MIB1: variants seen among roughly 807,000 people sequenced by gnomAD.
The protein encoded by MIB1 is MIB E3 ubiquitin protein ligase 1, also known as E3 ubiquitin-protein ligase MIB1.
Under a neutral mutation model 124.5 loss-of-function variants are expected in MIB1, and 278 were observed. That is an observed-to-expected ratio of 2.23 (90% CI 2.02 to 2.47). The LOEUF is 2.47. Among genes scored for constraint, MIB1 ranks in the 30% most tolerant of loss-of-function variants. The pLI is 0.00. For missense variants in MIB1, 957 were observed against 1,254.4 expected (o/e 0.76, Z 3.58); for synonymous variants, 446 against 429.4 (o/e 1.04, Z -0.48).
chr18:21,734,533 C>T (rs2040787157), intron 1 of MIB1, among the ~76,000 whole-genome samples: 3 of 148,572 alleles, frequency 2.0e-5, no homozygotes, highest in Admixed American at 1.3e-4. Context: ...TTCTCTTTCT[C>T]TCTTTCTTTC....
intron 1 of MIB1, among the ~76,000 whole-genome samples, chr18:21,746,566 CTTT>C (rs1315393760): frequency 6.6e-6 from 1 of 152,096 alleles, no homozygotes; most frequent in African/African-American, 2.4e-5. Context: ...GTATAGTTGA[CTTT>C]TTATCATCTA....
At chr18:21,863,498 G>A (rs1461800652) in intron 20 of MIB1, among the ~76,000 whole-genome samples, 1 of 152,146 alleles carries the variant, frequency 6.6e-6, no homozygotes, top group Non-Finnish European at 1.5e-5. Context: ...GGGACGGGTA[G>A]GTAATCTTCC....
At chr18:21,806,916 C>T (rs1453980044) in intron 10 of MIB1, among the ~76,000 whole-genome samples, 1 of 152,194 alleles carries the variant, frequency 6.6e-6, no homozygotes, top group African/African-American at 2.4e-5. Flanking sequence ...CCACCGTGCC[C>T]AGCCAAATAA....
chr18:21,757,059 ACATTTTCTTAATG>A (rs1239890581), intron 1 of MIB1, among the ~76,000 whole-genome samples: 8 of 152,236 alleles, frequency 5.3e-5, no homozygotes, highest in African/African-American at 1.9e-4. Flanking sequence ...GCAGCTCAAG[ACATTTTCTTAATG>A]CATTTTCTTA....
chr18:21,772,923 G>A (rs549470980), intron 3 of MIB1, among the ~76,000 whole-genome samples: 58 of 152,220 alleles, frequency 3.8e-4, no homozygotes, highest in African/African-American at 1.3e-3. Context: ...ATCATTTTGG[G>A]TATTTTACAG....
At position 21,765,760 on chromosome 18, in the gene MIB1, T is replaced by C. The variant is rs753722259; in HGVS notation, c.230-12T>C. 6.2e-7 allele frequency: 1 copy of C among 1,609,274 alleles called. No individual in the cohort carries two copies. The highest frequency in any genetic ancestry group is 2.2e-5 in the East Asian group (1 of 44,792). On this transcript the variant is annotated splice_polypyrimidine_tract_variant and intron_variant, in intron 1 of 20. Coordinates refer to ENST00000261537, the MANE Select transcript of MIB1 (RefSeq NM_020774.4). ...TTGTGATTAATCTGAGCATGTGTCC[T>C]TGTTTTAATAGGCATCAAGCATGAT...
At chr18:21,761,261 TAAAC>T (rs1426539142) in intron 1 of MIB1, among the ~76,000 whole-genome samples, 2 of 148,454 alleles carry the variant, frequency 1.3e-5, no homozygotes, top group Non-Finnish European at 3.0e-5. Context: ...GTGAAACCCA[TAAAC>T]AAAAAGATTT....
chr18:21,721,911 C>A (rs981749687), intron 1 of MIB1, among the ~76,000 whole-genome samples: 1 of 152,148 alleles, frequency 6.6e-6, no homozygotes, highest in Admixed American at 6.6e-5. Flanking sequence ...TGATACATTA[C>A]TATTAACCAA....
At chr18:21,838,000 A>G (rs1184026752) in intron 12 of MIB1, among the ~76,000 whole-genome samples, 1 of 152,142 alleles carries the variant, frequency 6.6e-6, no homozygotes, top group African/African-American at 2.4e-5. Flanking sequence ...TCATTAGGGT[A>G]TATTTCTTTT....
chr18:21,755,098 G>C (rs1349354327), intron 1 of MIB1, among the ~76,000 whole-genome samples: 1 of 152,082 alleles, frequency 6.6e-6, no homozygotes, highest in East Asian at 1.9e-4. Flanking sequence ...CACTTCTAGG[G>C]GTGGTGTATT....
chr18:21,818,256 T>C (rs1356926791), intron 11 of MIB1, among the ~76,000 whole-genome samples: 1 of 152,104 alleles, frequency 6.6e-6, no homozygotes, highest in Non-Finnish European at 1.5e-5. Flanking sequence ...GACATCAGAT[T>C]TTTTTTTCTC....
At chr18:21,734,685 C>CCAT (rs397691585) in intron 1 of MIB1, among the ~76,000 whole-genome samples, 3 of 151,808 alleles carry the variant, frequency 2.0e-5, no homozygotes, top group East Asian at 1.9e-4. Flanking sequence ...CATGCCACCA[C>CCAT]GCCTGGCTAA....
chr18:21,716,582 T>G (rs1598578603), intron 1 of MIB1, among the ~76,000 whole-genome samples: 1 of 152,366 alleles, frequency 6.6e-6, no homozygotes, highest in East Asian at 1.9e-4. Flanking sequence ...CTGGGCACGG[T>G]GGCTCACGCC....
At chr18:21,821,033 A>G (rs1362438354) in intron 12 of MIB1, among the ~76,000 whole-genome samples, 1 of 152,050 alleles carries the variant, frequency 6.6e-6, no homozygotes, top group African/African-American at 2.4e-5. Flanking sequence ...TCTCTCACCA[A>G]TTCTTAGCTT....
At chr18:21,788,018 C>T (rs540672149) in intron 6 of MIB1, among the ~76,000 whole-genome samples, 1 of 152,190 alleles carries the variant, frequency 6.6e-6, no homozygotes, top group African/African-American at 2.4e-5. Context: ...TGCGAACCTC[C>T]TCTCTCCTTT....
At chr18:21,761,493 G>A (rs1335550300) in intron 1 of MIB1, among the ~76,000 whole-genome samples, 1 of 152,112 alleles carries the variant, frequency 6.6e-6, no homozygotes, top group Admixed American at 6.6e-5. Flanking sequence ...TTAAAATGGA[G>A]GAGAGGCATG....
chr18:21,848,881 G>A (rs1472294631), intron 16 of MIB1, among the ~76,000 whole-genome samples: 1 of 151,892 alleles, frequency 6.6e-6, no homozygotes. Context: ...GATACAACAG[G>A]TTCTGAGCAA....
intron 10 of MIB1, among the ~76,000 whole-genome samples, chr18:21,807,494 T>A (rs2959532): frequency 0.012 from 1,879 of 152,330 alleles, 47 homozygotes; most frequent in African/African-American, 0.043. Flanking sequence ...TTCTAGGATA[T>A]AAGAATTAAC....
chr18:21,845,401 T>G (rs1449768048), intron 15 of MIB1, among the ~76,000 whole-genome samples: 4 of 152,176 alleles, frequency 2.6e-5, no homozygotes, highest in Non-Finnish European at 4.4e-5. Flanking sequence ...TCATTTGTGT[T>G]TTTTGTGTGT....
Sources: allele counts gnomAD v4.1 joint callset (sites outside exome capture counted in the v4.1 genomes callset), GRCh38; gene constraint gnomAD v4.1.1; transcripts MANE v1.5; gene names NCBI Gene and HGNC (gene_info 2026-07-23, HGNC 2026-07-21).